Variants in CHL1 observed in about 807,000 individuals in gnomAD.
CHL1 encodes the protein neural cell adhesion molecule L1-like protein.
CHL1 carries 96 observed loss-of-function variants against 141.9 expected under a neutral mutation model. The ratio of observed to expected loss-of-function variants is 0.68; its 90% CI spans 0.57 to 0.80. The LOEUF is 0.80. Ranked by LOEUF, CHL1 falls within the 30% of genes least tolerant of loss-of-function variation. CHL1 has a pLI of 0.00. For synonymous variants in CHL1, 613 were observed against 502.2 expected (o/e 1.22, Z -2.95); for missense variants, 1,820 against 1,457.2 (o/e 1.25, Z -4.05).
chr3:225,146 A>G (rs1005152092), intron 1 of CHL1, among the ~76,000 whole-genome samples: 3 of 152,206 alleles, frequency 2.0e-5, no homozygotes, highest in African/African-American at 4.8e-5. Flanking sequence ...AAAGAACTCA[A>G]AAAGATTGTG....
At position 368,032 on chromosome 3, in the gene CHL1, A is replaced by G. The variant is rs185876049; in HGVS notation, c.1751+1917A>G. Among the ~76,000 whole-genome samples the G allele has an allele frequency of 2.7e-3, 417 of 152,176 alleles. 1 individual carries two copies. Among genetic ancestry groups the G allele is most frequent in the Non-Finnish European group, 3.4e-3 (234 of 68,016 alleles). ...TTGGTATCGGTTTCATGTCTTTACT[A>G]TTGTAAATAGTGCTGCAATAAACAT... On this transcript the variant is annotated intron_variant, in intron 15 of 27. Transcript: ENST00000256509.
rs576803085 is a variant in CHL1, at chr3:330,781, G to T, written c.385+2427G>T. ...GCAAACTTCAGTAGAAATTATTAAA[G>T]AATAACAAGTCATAGGGGATTCTTG... On this transcript the variant is annotated intron_variant, in intron 5 of 27. Transcript: ENST00000256509. 3.9e-5 allele frequency among the ~76,000 whole-genome samples: 6 copies of T among 152,214 alleles called. No individual in the cohort carries two copies. In the South Asian group the frequency reaches 1.2e-3, roughly 32 times the overall value.
chr3:350,308 G>T (rs1462384428), intron 10 of CHL1, among the ~76,000 whole-genome samples: 3 of 152,140 alleles, frequency 2.0e-5, no homozygotes. Flanking sequence ...ACTGGCTGAT[G>T]TGAAGTTTGT....
intron 1 of CHL1, among the ~76,000 whole-genome samples, chr3:222,390 C>G (rs1574752316): frequency 1.3e-5 from 2 of 152,210 alleles, no homozygotes; most frequent in East Asian, 3.9e-4. Context: ...CACAATAAGG[C>G]ATGTTAATAA....
At chr3:333,390 C>A (rs977433525) in intron 5 of CHL1, among the ~76,000 whole-genome samples, 1 of 151,922 alleles carries the variant, frequency 6.6e-6, no homozygotes, top group Admixed American at 6.6e-5. Flanking sequence ...CTTTGTGATT[C>A]AAATGTTACA....
chr3:306,827 A>G (rs1237726824), intron 2 of CHL1, among the ~76,000 whole-genome samples: 1 of 152,200 alleles, frequency 6.6e-6, no homozygotes, highest in African/African-American at 2.4e-5. Context: ...TATTAATGTC[A>G]TATTCAAATG....
intron 25 of CHL1, 53 bp from the exon 26 acceptor site, chr3:398,964 A>G: frequency 6.4e-7 from 1 of 1,568,926 alleles, no homozygotes; most frequent in South Asian, 1.1e-5. Flanking sequence ...ATGTTACAGA[A>G]TACAAAAGAC....
rs200607818 is a variant in CHL1, at chr3:207,537, C to CA, written c.-175+10480dup. ...GAATGCTTAAGGCATCATACAATGG[C>CA]AAAAAACTGAAAACACTGCCCACAA... On this transcript the variant is annotated intron_variant, in intron 1 of 27. Transcript: ENST00000256509. Among the ~76,000 whole-genome samples, 272 of 152,204 alleles carry CA rather than the reference C, an allele frequency of 1.8e-3. 2 individuals are homozygous for CA. The highest frequency in any genetic ancestry group is 6.1e-3 in the African/African-American group (252 of 41,526).
chr3:242,972 C>T (rs1416186608), intron 1 of CHL1, among the ~76,000 whole-genome samples: 1 of 152,106 alleles, frequency 6.6e-6, no homozygotes, highest in African/African-American at 2.4e-5. Context: ...AGTGGGGACC[C>T]ATTGGGAAGA....
At chr3:403,570 A>C (rs551812451) in intron 27 of CHL1, among the ~76,000 whole-genome samples, 1 of 152,126 alleles carries the variant, frequency 6.6e-6, no homozygotes, top group South Asian at 2.1e-4. Context: ...AAACACAAAC[A>C]AACAAACAAG....
rs542826189 is a variant in CHL1 at position 356,868 on chromosome 3, A to G, written c.1165+2097A>G. Among the ~76,000 whole-genome samples, 112 of 152,344 alleles carry G rather than the reference A, an allele frequency of 7.4e-4. 1 individual carries two copies. The highest frequency in any genetic ancestry group is 1.4e-3 in the East Asian group (7 of 5,184). On this transcript the variant is annotated intron_variant, in intron 11 of 27. Transcript: ENST00000256509. ...TAGGGCCTTGGGATTTTGAGAATAC[A>G]CTAGGCAGCTCTTGGAGAATTTTAA...
chr3:203,855 G>C (rs568819242), intron 1 of CHL1, among the ~76,000 whole-genome samples: 1 of 152,238 alleles, frequency 6.6e-6, no homozygotes, highest in Non-Finnish European at 1.5e-5. Context: ...CAGGATGGAG[G>C]AAGGCAGAAA....
At chr3:260,931 T>G (rs1183867184) in intron 2 of CHL1, among the ~76,000 whole-genome samples, 1 of 152,224 alleles carries the variant, frequency 6.6e-6, no homozygotes, top group Non-Finnish European at 1.5e-5. Flanking sequence ...TTAGCCTGGT[T>G]TTTTTTGGAC....
intron 1 of CHL1, among the ~76,000 whole-genome samples, chr3:226,436 T>TTCA (rs1701359583): frequency 6.8e-6 from 1 of 147,540 alleles, no homozygotes; most frequent in South Asian, 2.1e-4. Flanking sequence ...ATTTTTTAAT[T>TTCA]TTATTATTAT....
intron 2 of CHL1, among the ~76,000 whole-genome samples, chr3:283,981 A>G (rs1245687464): frequency 2.0e-5 from 3 of 152,236 alleles, no homozygotes; most frequent in Non-Finnish European, 4.4e-5. Context: ...TTTTCCAGAT[A>G]GTCACACTCT....
chr3:246,893 G>A (rs1475798019), intron 2 of CHL1: 1 of 152,020 alleles, frequency 6.6e-6, no homozygotes, highest in Non-Finnish European at 1.5e-5. Flanking sequence ...TTGAATGACA[G>A]GGACTACATT....
At chr3:297,789 C>A (rs1698331900) in intron 2 of CHL1, among the ~76,000 whole-genome samples, 1 of 152,190 alleles carries the variant, frequency 6.6e-6, no homozygotes, top group South Asian at 2.1e-4. Context: ...TGCCTCATCT[C>A]TGCAGTATTG....
intron 1 of CHL1, among the ~76,000 whole-genome samples, chr3:236,394 T>C (rs6766301): frequency 0.17 from 26,012 of 152,032 alleles, 2,339 homozygotes; most frequent in Middle Eastern, 0.27. Context: ...CAGGTCCTTC[T>C]AGGTCAGCCT....
At chr3:337,926 T>G (rs1295823049) in intron 5 of CHL1, among the ~76,000 whole-genome samples, 1 of 152,184 alleles carries the variant, frequency 6.6e-6, no homozygotes, top group Non-Finnish European at 1.5e-5. Flanking sequence ...TTTCTAGTTC[T>G]AGATCCCTGA....
Sources: gnomAD v4.1 joint callset for allele counts (sites outside exome capture counted in the v4.1 genomes callset) on GRCh38, gnomAD v4.1.1 for gene constraint, MANE v1.5 for transcripts, NCBI Gene and HGNC (gene_info 2026-07-23, HGNC 2026-07-21) for gene names.